The following CRACR2A variants were observed in gnomAD, a reference collection of about 807,000 sequenced individuals.
The protein encoded by CRACR2A is EF-hand calcium-binding domain-containing protein 4B.
In CRACR2A, 79 loss-of-function variants were observed where a neutral mutation model predicts 90.5. The observed-to-expected ratio is 0.87, with a 90% CI of 0.73 to 1.05. CRACR2A has a LOEUF of 1.05. Among genes scored for constraint, CRACR2A ranks in the 50% least tolerant of loss-of-function variants. CRACR2A has a pLI of 0.00. For missense variants in CRACR2A, 823 were observed against 897.2 expected (o/e 0.92, Z 1.06); for synonymous variants, 338 against 356.7 (o/e 0.95, Z 0.59).
At chr12:3,710,965 G>A (rs1565497925) in intron 3 of CRACR2A, among the ~76,000 whole-genome samples, 1 of 152,102 alleles carries the variant, frequency 6.6e-6, no homozygotes, top group Non-Finnish European at 1.5e-5. Flanking sequence ...TATTCAGTCC[G>A]TAGCATTCCA....
intron 13 of CRACR2A, 79 bp from the exon 14 acceptor site, chr12:3,638,533 A>G: frequency 7.1e-7 from 1 of 1,414,614 alleles, no homozygotes; most frequent in Non-Finnish European, 9.4e-7. Context: ...AGCTTTTGTG[A>G]CGAACAGATA....
intron 19 of CRACR2A, among the ~76,000 whole-genome samples, chr12:3,616,254 G>A (rs4766145): frequency 0.064 from 9,709 of 152,282 alleles, 360 homozygotes; most frequent in Middle Eastern, 0.12. Context: ...ATATTTTTAA[G>A]TGCCCCAGAA....
intron 4 of CRACR2A, among the ~76,000 whole-genome samples, chr12:3,687,036 G>T (rs748389311): frequency 3.3e-5 from 5 of 152,052 alleles, no homozygotes; most frequent in Non-Finnish European, 7.4e-5. Flanking sequence ...TGCTCTATCT[G>T]GGTGAGCTGG....
At chr12:3,637,489 C>G (rs1454996601) in intron 14 of CRACR2A, among the ~76,000 whole-genome samples, 2 of 152,128 alleles carry the variant, frequency 1.3e-5, no homozygotes, top group Admixed American at 6.5e-5. Context: ...TTTTCTCAAT[C>G]CCCAATTTTC....
rs147556867 is a variant in CRACR2A at position 3,688,381 on chromosome 12, G to A, written c.229-8032C>T. 1.4e-3 allele frequency among the ~76,000 whole-genome samples: 220 copies of A among 152,272 alleles called. 1 individual carries two copies. The highest frequency in any genetic ancestry group is 6.1e-3 in the Admixed American group (93 of 15,288). ...TTGTTTTGTATATTGTAAGGAAGGG[G>A]TCCAGTTTTGATATATTCTGCATAT... On this transcript the variant is annotated intron_variant, in intron 4 of 19. Coordinates refer to ENST00000440314, the MANE Select transcript of CRACR2A (RefSeq NM_001144958.2).
intron 1 of CRACR2A, among the ~76,000 whole-genome samples, chr12:3,733,959 A>G (rs1444730150): frequency 7.4e-6 from 1 of 134,388 alleles, no homozygotes; most frequent in Non-Finnish European, 1.6e-5. Flanking sequence ...CCTAGACTGG[A>G]CACATTTTGC....
intron 2 of CRACR2A, among the ~76,000 whole-genome samples, chr12:3,724,735 A>T (rs1453480148): frequency 6.6e-6 from 1 of 152,178 alleles, no homozygotes; most frequent in Non-Finnish European, 1.5e-5. Context: ...CACCATCGTA[A>T]AGTGGAACTG....
At chr12:3,709,380 T>C (rs1394045265) in intron 3 of CRACR2A, among the ~76,000 whole-genome samples, 1 of 152,252 alleles carries the variant, frequency 6.6e-6, no homozygotes, top group African/African-American at 2.4e-5. Context: ...TGCATTATTC[T>C]TTATAGTAGC....
At chr12:3,689,618 A>G (rs1192607662) in intron 4 of CRACR2A, among the ~76,000 whole-genome samples, 1 of 152,158 alleles carries the variant, frequency 6.6e-6, no homozygotes, top group Non-Finnish European at 1.5e-5. Context: ...GGAATTTTGC[A>G]TCAATGTTCA....
intron 4 of CRACR2A, 122 bp from the exon 5 acceptor site, chr12:3,680,471 T>A: frequency 1.4e-6 from 1 of 728,264 alleles, no homozygotes; most frequent in Non-Finnish European, 2.3e-6. Context: ...CAAAAGCCAG[T>A]AGAAAGCTTC....
intron 14 of CRACR2A, among the ~76,000 whole-genome samples, chr12:3,634,576 T>C (rs538087483): frequency 1.3e-5 from 2 of 152,342 alleles, no homozygotes; most frequent in South Asian, 2.1e-4. Flanking sequence ...TTCTGAGGAA[T>C]GATCATTCAT....
chr12:3,624,178 C>CT (rs973798395), intron 17 of CRACR2A, among the ~76,000 whole-genome samples: 142 of 152,270 alleles, frequency 9.3e-4, no homozygotes, highest in Non-Finnish European at 1.0e-3. Flanking sequence ...AACTGAAGCC[C>CT]TTTTTTCTTG....
At chr12:3,666,208 T>C (rs1441769911) in intron 7 of CRACR2A, among the ~76,000 whole-genome samples, 1 of 151,596 alleles carries the variant, frequency 6.6e-6, no homozygotes, top group Non-Finnish European at 1.5e-5. Context: ...AGGGCAACAG[T>C]GGATTGGAAA....
At position 3,654,370 on chromosome 12, in the gene CRACR2A, A is replaced by G. The variant is rs771259429; in HGVS notation, c.888T>C (p.His296=). Residue 296 remains histidine, a synonymous_variant, in exon 10 of 20, where the codon CAT becomes CAC. Coordinates refer to ENST00000440314, the MANE Select transcript of CRACR2A (RefSeq NM_001144958.2). ...RLEGQCTALH[H]DKHETKAENT... ...TCTCAGCCTTGGTCTCATGCTTGTC[A>G]TGATGCAGGGCTGTGCACTGACCTT... is the stretch of plus-strand genomic sequence containing the variant. The G allele has an allele frequency of 1.9e-6, 3 of 1,613,040 alleles. No individual in the cohort carries two copies. The Admixed American group carries it at 5.0e-5, about 27-fold the overall frequency.
intron 17 of CRACR2A, among the ~76,000 whole-genome samples, chr12:3,624,025 T>C (rs1944208087): frequency 1.3e-5 from 2 of 152,218 alleles, no homozygotes; most frequent in African/African-American, 4.8e-5. Flanking sequence ...TGTTGAATGA[T>C]TGGCCAAAGT....
intron 7 of CRACR2A, among the ~76,000 whole-genome samples, chr12:3,670,904 G>A (rs747322011): frequency 6.6e-6 from 1 of 152,198 alleles, no homozygotes; most frequent in Non-Finnish European, 1.5e-5. Context: ...AGCAGGGAGT[G>A]GGCCTTGATC....
chr12:3,736,555 T>C (rs1444848676), intron 1 of CRACR2A, among the ~76,000 whole-genome samples: 2 of 151,692 alleles, frequency 1.3e-5, no homozygotes, highest in Non-Finnish European at 2.9e-5. Context: ...GATTCGCCAG[T>C]TGAAATATAT....
At chr12:3,641,923 G>T in intron 12 of CRACR2A, 85 bp from the exon 13 acceptor site, 1 of 1,193,710 alleles carries the variant, frequency 8.4e-7, no homozygotes, top group Non-Finnish European at 1.2e-6. Flanking sequence ...CCACCTCATA[G>T]ACTAGGCTCT....
chr12:3,647,782 C>A (rs901784965), intron 11 of CRACR2A, among the ~76,000 whole-genome samples: 2 of 152,222 alleles, frequency 1.3e-5, no homozygotes, highest in African/African-American at 4.8e-5. Flanking sequence ...AAACCACTTG[C>A]ACTTCAAAAA....
Sources: allele counts gnomAD v4.1 joint callset (sites outside exome capture counted in the v4.1 genomes callset), GRCh38; gene constraint gnomAD v4.1.1; transcripts MANE v1.5; gene names NCBI Gene and HGNC (gene_info 2026-07-23, HGNC 2026-07-21).